The following NBAS variants were observed in gnomAD, a reference collection of about 807,000 sequenced individuals.
The protein encoded by NBAS is NAG/BC035112 fusion.
A neutral mutation model predicts 302.5 loss-of-function variants in NBAS; 219 were observed. The observed-to-expected ratio is 0.72, with a 90% CI of 0.65 to 0.81. NBAS has a LOEUF of 0.81. Among genes scored for constraint, NBAS ranks in the 30% least tolerant of loss-of-function variants. The pLI is 0.00. For missense variants in NBAS, 2,932 were observed against 2,841.6 expected, an observed-to-expected ratio of 1.03 and a Z score of -0.72; for synonymous variants, 1,118 against 1,021.6, an observed-to-expected ratio of 1.09 and a Z score of -1.80.
At chr2:14,819,256 T>C in the NBAS span, among the ~76,000 whole-genome samples, 27 of 152,308 alleles carry the variant, frequency 1.8e-4, no homozygotes, top group Admixed American at 6.5e-4. Flanking sequence ...TGTAGGTAGA[T>C]CCCATGTAAG....
rs11893272 is a variant in NBAS, at chr2:15,473,672, C to T, written c.1600-325G>A. 0.64 allele frequency among the ~76,000 whole-genome samples: 97,130 copies of T among 152,066 alleles called. 31,753 individuals are homozygous for T. The highest frequency in any genetic ancestry group is 0.69 in the Middle Eastern group (201 of 292). On this transcript the variant is annotated intron_variant, in intron 15 of 51. Transcript: ENST00000281513. Reference sequence around the variant, plus strand: ...GACATTGCAAGAACAGCACAAATCACGTGAACACACAGTGCTGGTCACCTC... The same window carrying T: ...GACATTGCAAGAACAGCACAAATCATGTGAACACACAGTGCTGGTCACCTC...
chr2:14,974,549 T>G, the NBAS span, among the ~76,000 whole-genome samples: 4 of 152,240 alleles, frequency 2.6e-5, no homozygotes, highest in African/African-American at 9.6e-5. Context: ...GATTCCTATT[T>G]GCAGTCCCTG....
At chr2:14,915,408 T>C in the NBAS span, among the ~76,000 whole-genome samples, 1 of 152,134 alleles carries the variant, frequency 6.6e-6, no homozygotes, top group East Asian at 1.9e-4. Flanking sequence ...TTTAACTGAT[T>C]TGGTTTAGCT....
intron 35 of NBAS, among the ~76,000 whole-genome samples, chr2:15,351,449 G>A (rs1673351257): frequency 6.6e-6 from 1 of 152,056 alleles, no homozygotes; most frequent in Non-Finnish European, 1.5e-5. Context: ...GGCTGAAGAG[G>A]GTGGATCACT....
the NBAS span, among the ~76,000 whole-genome samples, chr2:15,149,952 G>C: frequency 1.3e-5 from 2 of 151,560 alleles, no homozygotes; most frequent in South Asian, 2.1e-4. Flanking sequence ...GCTCACATCT[G>C]TAGTCCCAGT....
intron 32 of NBAS, among the ~76,000 whole-genome samples, chr2:15,363,553 C>T (rs1674045842): frequency 6.6e-6 from 1 of 152,136 alleles, no homozygotes; most frequent in Non-Finnish European, 1.5e-5. Context: ...AAGGATTTAA[C>T]TTAAAACCTC....
At chr2:15,038,713 G>GA in the NBAS span, among the ~76,000 whole-genome samples, 2 of 43,072 alleles carry the variant, frequency 4.6e-5, no homozygotes, top group Non-Finnish European at 8.3e-5. Flanking sequence ...AGCAGCAGTA[G>GA]CCTATTTCCA....
intron 4 of NBAS, among the ~76,000 whole-genome samples, chr2:15,553,819 TCC>T (rs1313023257): frequency 1.6e-5 from 2 of 124,950 alleles, no homozygotes; most frequent in Non-Finnish European, 3.3e-5. Context: ...CCTCCCTCTC[TCC>T]CTCTCTCTCT....
At chr2:15,104,339 A>G in the NBAS span, among the ~76,000 whole-genome samples, 13 of 152,182 alleles carry the variant, frequency 8.5e-5, no homozygotes, top group African/African-American at 3.1e-4. Flanking sequence ...AGCATGAAAG[A>G]AGACTAATAC....
chr2:15,007,855 G>T, the NBAS span, among the ~76,000 whole-genome samples: 1 of 152,216 alleles, frequency 6.6e-6, no homozygotes, highest in Non-Finnish European at 1.5e-5. Context: ...TTAGTATACT[G>T]CATGACTTTA....
the NBAS span, among the ~76,000 whole-genome samples, chr2:15,070,196 G>C: frequency 2.6e-5 from 4 of 152,210 alleles, no homozygotes; most frequent in Non-Finnish European, 5.9e-5. Context: ...TGGCTCTACA[G>C]TAAGGCTCTC....
chr2:15,393,537 T>C, intron 28 of NBAS: 1 of 380,296 alleles, frequency 2.6e-6, no homozygotes, highest in South Asian at 2.2e-5. Context: ...AAAAACAGTT[T>C]GGCAGTTTTT....
chr2:15,277,099 A>G lies in NBAS; in HGVS notation c.5141T>C (p.Leu1714Ser). The G allele has an allele frequency of 6.2e-7, 1 of 1,613,602 alleles. No individual in the cohort carries two copies. Among genetic ancestry groups the G allele is most frequent in the Non-Finnish European group, 8.5e-7 (1 of 1,179,826 alleles). Reference sequence around the variant, plus strand: ...TCTATTTTCAATTTCTAGTGTGGACAAACTGAAATTAAGAGCCAAAGGAAC... The same window carrying G: ...TCTATTTTCAATTTCTAGTGTGGACGAACTGAAATTAAGAGCCAAAGGAAC... ...HLEFLFTDSG[L>S]STLEIENRAQ... Residue 1714 changes from leucine (L) to serine (S), a missense_variant and splice_region_variant, in exon 43 of 52, where the codon TTG (leucine) becomes TCG (serine). Transcript: ENST00000281513.
At chr2:15,417,481 G>A (rs1316699133) in intron 24 of NBAS, 46 bp downstream of exon 24, 5 of 1,523,156 alleles carry the variant, frequency 3.3e-6, no homozygotes, top group Non-Finnish European at 4.5e-6. Context: ...AAAGTGCATA[G>A]AAAATGCTTT....
chr2:14,914,025 G>A, the NBAS span, among the ~76,000 whole-genome samples: 11 of 152,150 alleles, frequency 7.2e-5, 1 homozygote, highest in Admixed American at 7.2e-4. Context: ...ATGGTGGAAG[G>A]CAAAAGGCAC....
At chr2:15,529,238 G>A (rs907027958) in intron 9 of NBAS, among the ~76,000 whole-genome samples, 2 of 152,024 alleles carry the variant, frequency 1.3e-5, no homozygotes, top group African/African-American at 4.8e-5. Flanking sequence ...GGTGGCTCAT[G>A]CCTGTAATCC....
At chr2:15,239,156 T>C (rs1344733875) in intron 44 of NBAS, among the ~76,000 whole-genome samples, 2 of 152,102 alleles carry the variant, frequency 1.3e-5, no homozygotes, top group African/African-American at 2.4e-5. Context: ...TGGAATATTA[T>C]GTAGTCATTA....
intron 25 of NBAS, among the ~76,000 whole-genome samples, chr2:15,408,271 A>G (rs1676517444): frequency 6.6e-6 from 1 of 152,228 alleles, no homozygotes; most frequent in Non-Finnish European, 1.5e-5. Flanking sequence ...AAGTCTGGTT[A>G]AGATTATCCT....
At chr2:15,288,414 T>C (rs561439499) in intron 41 of NBAS, among the ~76,000 whole-genome samples, 1 of 151,544 alleles carries the variant, frequency 6.6e-6, no homozygotes, top group African/African-American at 2.4e-5. Context: ...CAGCAGAGGG[T>C]GGGAGGGAGA....
Sources: gnomAD v4.1 joint callset for allele counts (sites outside exome capture counted in the v4.1 genomes callset) on GRCh38, gnomAD v4.1.1 for gene constraint, MANE v1.5 for transcripts, NCBI Gene and HGNC (gene_info 2026-07-23, HGNC 2026-07-21) for gene names.